Variants in CSMD1 observed in about 807,000 individuals in gnomAD.
CSMD1 encodes the protein CUB and Sushi multiple domains 1, also known as CUB and sushi domain-containing protein 1.
Under a neutral mutation model 417.5 loss-of-function variants are expected in CSMD1, and 213 were observed. That is an observed-to-expected ratio of 0.51 (90% CI 0.46 to 0.57). The LOEUF (loss-of-function observed/expected upper bound fraction) is 0.57. Among genes scored for constraint, CSMD1 ranks in the 20% least tolerant of loss-of-function variants. The probability of loss-of-function intolerance (pLI) is 0.00; values close to 1 mark genes in which losing one functional copy is unlikely to be tolerated. For synonymous variants in CSMD1, 2,862 were observed against 1,736.8 expected, an observed-to-expected ratio of 1.65 and a Z score of -16.11; for missense variants, 6,923 against 4,529.7, an observed-to-expected ratio of 1.53 and a Z score of -15.17.
chr8:4,402,193 A>G (rs1320513192), intron 3 of CSMD1, among the ~76,000 whole-genome samples: 6 of 151,954 alleles, frequency 3.9e-5, no homozygotes, highest in African/African-American at 1.5e-4. Context: ...CAAAATTGCG[A>G]CTTTCTGACA....
chr8:4,825,249 A>C (rs1021397059), intron 1 of CSMD1, among the ~76,000 whole-genome samples: 3 of 152,122 alleles, frequency 2.0e-5, no homozygotes, highest in African/African-American at 7.2e-5. Context: ...AGGCATTTGA[A>C]ATATGCATAC....
chr8:3,565,397 C>T (rs1252919026), intron 10 of CSMD1, among the ~76,000 whole-genome samples: 2 of 152,192 alleles, frequency 1.3e-5, no homozygotes, highest in South Asian at 2.1e-4. Flanking sequence ...AGGCTCCCTT[C>T]GGTGTTATAG....
chr8:3,372,179 T>C (rs1809998766), intron 18 of CSMD1, among the ~76,000 whole-genome samples: 1 of 152,138 alleles, frequency 6.6e-6, no homozygotes, highest in Non-Finnish European at 1.5e-5. Context: ...GGAAGTGGTC[T>C]ATAAATAAGG....
intron 5 of CSMD1, among the ~76,000 whole-genome samples, chr8:3,820,651 G>T (rs774924013): frequency 6.6e-6 from 1 of 152,172 alleles, no homozygotes; most frequent in Non-Finnish European, 1.5e-5. Flanking sequence ...TCTCGGCTCA[G>T]TGCAAACTCT....
chr8:4,264,393 A>G (rs1804096643), intron 3 of CSMD1, among the ~76,000 whole-genome samples: 1 of 152,246 alleles, frequency 6.6e-6, no homozygotes, highest in African/African-American at 2.4e-5. Context: ...TACAAGAAAC[A>G]TCCACAGAGG....
chr8:4,718,231 C>G (rs1414441268), intron 1 of CSMD1, among the ~76,000 whole-genome samples: 1 of 152,202 alleles, frequency 6.6e-6, no homozygotes, highest in Non-Finnish European at 1.5e-5. Context: ...CCTGTCTCAG[C>G]CTCCCAAAAT....
At chr8:3,979,036 G>A (rs1318541766) in intron 5 of CSMD1, among the ~76,000 whole-genome samples, 3 of 152,174 alleles carry the variant, frequency 2.0e-5, no homozygotes, top group African/African-American at 7.2e-5. Flanking sequence ...CACAACACCT[G>A]GACCACAAGA....
At chr8:4,846,513 G>A (rs1218763572) in intron 1 of CSMD1, among the ~76,000 whole-genome samples, 1 of 152,154 alleles carries the variant, frequency 6.6e-6, no homozygotes, top group East Asian at 1.9e-4. Context: ...TCCCACAACC[G>A]ACATTGCTGT....
chr8:4,012,544 C>G (rs1306799415), intron 4 of CSMD1, among the ~76,000 whole-genome samples: 2 of 152,086 alleles, frequency 1.3e-5, no homozygotes, highest in Non-Finnish European at 2.9e-5. Flanking sequence ...GATCACAGCA[C>G]CTGGCAGGTA....
chr8:3,928,128 A>G (rs922060766), intron 5 of CSMD1, among the ~76,000 whole-genome samples: 1 of 152,178 alleles, frequency 6.6e-6, no homozygotes, highest in African/African-American at 2.4e-5. Context: ...TAAACTATCT[A>G]TAGATTTAAT....
rs1180010876 is a variant in CSMD1 at position 3,998,079 on chromosome 8, C to A, written c.642G>T (p.Gly214=). 1.9e-6 allele frequency: 3 copies of A among 1,585,306 alleles called. No homozygotes were observed. The highest frequency in any genetic ancestry group is 2.6e-6 in the Non-Finnish European group (3 of 1,165,028). Residue 214 remains glycine (G), a synonymous_variant, in exon 5 of 70, where the codon GGG becomes GGT. Coordinates refer to ENST00000635120, the MANE Select transcript of CSMD1 (RefSeq NM_033225.6). The part of the protein sequence containing the change: ...AEGACGGTLR[G]TSSSISSPHF... ...GCGGGCTGGAGATGGAGCTGCTGGT[C>A]CCGCGTAAGGTTCCTCCGCAGGCTC...
At chr8:3,321,403 C>T (rs1806146759) in intron 23 of CSMD1, among the ~76,000 whole-genome samples, 2 of 152,138 alleles carry the variant, frequency 1.3e-5, no homozygotes, top group South Asian at 4.1e-4. Flanking sequence ...TGCAGCTGTC[C>T]TACCCTACCC....
intron 5 of CSMD1, among the ~76,000 whole-genome samples, chr8:3,809,190 T>C (rs573455135): frequency 7.9e-5 from 12 of 152,296 alleles, no homozygotes; most frequent in African/African-American, 2.4e-4. Context: ...CCTTTACTAA[T>C]ATAACTTCTC....
intron 10 of CSMD1, among the ~76,000 whole-genome samples, chr8:3,546,698 TTCAA>T (rs1798679822): frequency 6.6e-6 from 1 of 152,164 alleles, no homozygotes; most frequent in African/African-American, 2.4e-5. Flanking sequence ...TGGACAAATC[TTCAA>T]TCAATGTAGG....
At chr8:3,767,240 C>T (rs1477103406) in intron 5 of CSMD1, among the ~76,000 whole-genome samples, 1 of 152,214 alleles carries the variant, frequency 6.6e-6, no homozygotes, top group Non-Finnish European at 1.5e-5. Flanking sequence ...CAAAGAGCAG[C>T]TCAGGCTCTT....
chr8:3,308,783 G>C (rs777740221), intron 23 of CSMD1, among the ~76,000 whole-genome samples: 3 of 132,988 alleles, frequency 2.3e-5, no homozygotes, highest in Admixed American at 1.8e-4. Flanking sequence ...GAGTGCAATG[G>C]CGTGATCTTG....
intron 2 of CSMD1, among the ~76,000 whole-genome samples, chr8:4,625,881 G>A (rs10100693): frequency 6.6e-6 from 1 of 151,688 alleles, no homozygotes; most frequent in Non-Finnish European, 1.5e-5. Context: ...ACACCCCCAC[G>A]CCTGGCTAAT....
At chr8:4,959,142 G>T (rs557205635) in intron 1 of CSMD1, among the ~76,000 whole-genome samples, 1 of 152,274 alleles carries the variant, frequency 6.6e-6, no homozygotes, top group East Asian at 1.9e-4. Flanking sequence ...TGAGAATTTG[G>T]AAAGAAATTG....
intron 8 of CSMD1, among the ~76,000 whole-genome samples, chr8:3,587,648 T>G (rs1012536988): frequency 6.6e-6 from 1 of 152,168 alleles, no homozygotes; most frequent in Admixed American, 6.5e-5. Flanking sequence ...GCCATGGATG[T>G]CGGCAACAGC....
Sources: gnomAD v4.1 joint callset for allele counts (sites outside exome capture counted in the v4.1 genomes callset) on GRCh38, gnomAD v4.1.1 for gene constraint, MANE v1.5 for transcripts, NCBI Gene and HGNC (gene_info 2026-07-23, HGNC 2026-07-21) for gene names.